CELSR1: variants seen among roughly 807,000 people sequenced by gnomAD.
CELSR1 encodes adhesion G protein-coupled receptor C1.
In CELSR1, 110 loss-of-function variants were observed where a neutral mutation model predicts 249.1. The ratio of observed to expected loss-of-function variants is 0.44; its 90% CI spans 0.38 to 0.52. CELSR1 has a LOEUF of 0.52. Ranked by LOEUF, CELSR1 falls within the 20% of genes least tolerant of loss-of-function variation. CELSR1 has a pLI of 0.00. For missense variants in CELSR1, 4,109 were observed against 4,296.4 expected, an observed-to-expected ratio of 0.96 and a Z score of 1.22; for synonymous variants, 2,113 against 1,900.0, an observed-to-expected ratio of 1.11 and a Z score of -2.92.
At position 46,536,960 on chromosome 22, in the gene CELSR1, C is replaced by T. The variant is rs755185714; in HGVS notation, c.211G>A (p.Gly71Arg). ...ACGCGCCGACGTCCTGCCAGCCGCC[C>T]ATCGCGGCCCACGTCCAGCAGCTCC... ...PRELLDVGRD[G>R]RLAGRRRVSG... The change falls in exon 1 of 35, where the codon GGG (glycine) becomes AGG (arginine). Residue 71 changes from glycine (G) to arginine (R), a missense_variant. Physicochemically the swap from Gly to Arg is moderately radical, Grantham distance 125. Around this residue, in one of 7 missense-constraint regions of CELSR1, gnomAD observed 673 missense variants for 636.8 expected, o/e 1.06. Coordinates refer to ENST00000674500, the MANE Select transcript of CELSR1 (RefSeq NM_001378328.1). 4.1e-4 allele frequency: 473 copies of T among 1,148,800 alleles called. 1 individual carries two copies. The African/African-American group carries it at 7.2e-3, about 18-fold the overall frequency. 71.2% of individuals were successfully genotyped at this position (1,148,800 alleles called of 1,614,324 possible).
intron 25 of CELSR1, among the ~76,000 whole-genome samples, chr22:46,372,106 G>A: frequency 6.9e-6 from 1 of 144,932 alleles, no homozygotes; most frequent in Non-Finnish European, 1.5e-5. Flanking sequence ...CCATCCATCT[G>A]CTCACTCACT....
chr22:46,529,460 G>A (rs141212113), intron 1 of CELSR1, among the ~76,000 whole-genome samples: 10 of 151,932 alleles, frequency 6.6e-5, no homozygotes, highest in Non-Finnish European at 1.2e-4. Context: ...GCTGGGAAGG[G>A]GGTAGCAGGA....
At chr22:46,477,785 C>G (rs150684657) in intron 1 of CELSR1, among the ~76,000 whole-genome samples, 5,096 of 152,254 alleles carry the variant, frequency 0.033, 117 homozygotes, top group Middle Eastern at 0.099. Context: ...GGATTACAGC[C>G]TTGAGCCACG....
At position 46,464,860 on chromosome 22, in the gene CELSR1, G is replaced by A. The variant is rs1352105013; in HGVS notation, c.3545-515C>T. Among the ~76,000 whole-genome samples, 1 of 152,134 alleles carries A rather than the reference G, an allele frequency of 6.6e-6. No individual in the cohort carries two copies. The highest frequency in any genetic ancestry group is 1.5e-5 in the Non-Finnish European group (1 of 68,024). Reference sequence around the variant, plus strand: ...GCTCAAACTCTGCAGTGCCTGGCAAGCCCGCCCTGGTCCTGCCCAGGCGAC... The same window carrying A: ...GCTCAAACTCTGCAGTGCCTGGCAAACCCGCCCTGGTCCTGCCCAGGCGAC... On this transcript the variant is annotated intron_variant, in intron 1 of 34. Coordinates refer to ENST00000674500, the MANE Select transcript of CELSR1 (RefSeq NM_001378328.1). This position sits in a 1 kb window ranked among gnomAD's most constrained non-coding sequence, Gnocchi z 8.5.
At chr22:46,462,177 G>C (rs975432109) in intron 2 of CELSR1, among the ~76,000 whole-genome samples, 3 of 152,252 alleles carry the variant, frequency 2.0e-5, no homozygotes, top group African/African-American at 4.8e-5. Flanking sequence ...CATTCAGTGA[G>C]AGACAGCGGG....
At chr22:46,369,105 C>A (rs1366834716) in intron 27 of CELSR1, 74 bp downstream of exon 27, 2 of 1,487,772 alleles carry the variant, frequency 1.3e-6, no homozygotes. Context: ...TGGGGCCCCA[C>A]CCCGCAGAGA....
intron 5 of CELSR1, among the ~76,000 whole-genome samples, chr22:46,420,786 C>A (rs774469954): frequency 1.3e-5 from 2 of 152,166 alleles, no homozygotes; most frequent in Non-Finnish European, 1.5e-5. Context: ...CCTTTCTGAC[C>A]AGCCTCCCTC....
At chr22:46,388,016 G>T (rs2079050216) in intron 18 of CELSR1, among the ~76,000 whole-genome samples, 1 of 152,134 alleles carries the variant, frequency 6.6e-6, no homozygotes, top group South Asian at 2.1e-4. Context: ...CTGGGTGGAG[G>T]CATGAGGCTG....
At chr22:46,515,800 C>T (rs1347692192) in intron 1 of CELSR1, among the ~76,000 whole-genome samples, 5 of 152,190 alleles carry the variant, frequency 3.3e-5, no homozygotes, top group Non-Finnish European at 5.9e-5. Flanking sequence ...CAGGACATTC[C>T]GCCCATCCTG....
chr22:46,479,776 T>C (rs1402103617), intron 1 of CELSR1, among the ~76,000 whole-genome samples: 3 of 152,106 alleles, frequency 2.0e-5, no homozygotes, highest in Non-Finnish European at 4.4e-5. Context: ...ATCAAAACAA[T>C]AAGGTGCCAT....
In CELSR1 at chr22:46,396,473, A is replaced by G. The variant is rs534880570; in HGVS notation, c.5843+132T>C. On this transcript the variant is annotated intron_variant, in intron 13 of 34. Transcript: ENST00000674500. The surrounding 1 kb of genome is among the most constrained non-coding windows in gnomAD (Gnocchi z 6.4). ...TTTCACTTAATTCATGCCAAATTAA[A>G]AAAAAATATGTCCCTGTTACCCAGA... 4.2e-5 allele frequency: 41 copies of G among 981,322 alleles called. No homozygotes were observed. The Middle Eastern group carries it at 1.9e-3, about 44-fold the overall frequency. The allele number at this position is 981,322 out of a possible 1,614,324, so 60.8% of individuals were successfully genotyped here. A position where few individuals can be genotyped will look rare whatever the true frequency, so the allele number is the denominator to read the frequency against.
chr22:46,516,845 G>A (rs893725313), intron 1 of CELSR1, among the ~76,000 whole-genome samples: 1 of 152,214 alleles, frequency 6.6e-6, no homozygotes, highest in Admixed American at 6.5e-5. Context: ...GGACTGGCAG[G>A]AAGGCAGGCG....
chr22:46,501,991 G>A (rs1207727619), intron 1 of CELSR1, among the ~76,000 whole-genome samples: 4 of 152,196 alleles, frequency 2.6e-5, no homozygotes, highest in East Asian at 1.9e-4. Flanking sequence ...AGGGCTGGGC[G>A]TGGTGGTTCA....
chr22:46,365,310 C>G lies in CELSR1; in HGVS notation c.8475G>C (p.Ser2825=), dbSNP rs148280744. ...EQSSSYASSH[S]SDSEDDGVGA... is the part of the protein sequence containing the mutation. ...CCACCCCATCGTCCTCGCTGTCTGA[C>G]GAGTGTGAGGAGGCGTAAGAGCTGC... The change falls in exon 32 of 35, where the codon TCG becomes TCC. Residue 2825 remains serine, a synonymous_variant. Coordinates refer to ENST00000674500, the MANE Select transcript of CELSR1 (RefSeq NM_001378328.1). 5 of 1,612,986 alleles carry G rather than the reference C, an allele frequency of 3.1e-6. No individual in the cohort carries two copies. Among genetic ancestry groups the G allele is most frequent in the Non-Finnish European group, 4.2e-6 (5 of 1,179,962 alleles).
intron 24 of CELSR1, among the ~76,000 whole-genome samples, chr22:46,375,869 T>C (rs905000600): frequency 6.6e-6 from 1 of 152,230 alleles, no homozygotes; most frequent in South Asian, 2.1e-4. Context: ...AACGTGCCTG[T>C]AGACTATTTT....
chr22:46,499,965 G>A (rs193155824), intron 1 of CELSR1, among the ~76,000 whole-genome samples: 111 of 152,058 alleles, frequency 7.3e-4, no homozygotes, highest in African/African-American at 2.6e-3. Flanking sequence ...CCCAGCGGCC[G>A]CCCCCACCAC....
At chr22:46,485,972 T>C (rs9615370) in intron 1 of CELSR1, among the ~76,000 whole-genome samples, 75,164 of 134,628 alleles carry the variant, frequency 0.56, 22,231 homozygotes, top group African/African-American at 0.72. Flanking sequence ...GAGTCTCGCT[T>C]TGTCGCCCAG....
intron 22 of CELSR1, among the ~76,000 whole-genome samples, chr22:46,379,127 C>T (rs952764365): frequency 2.6e-5 from 4 of 152,180 alleles, no homozygotes; most frequent in East Asian, 1.9e-4. Context: ...CACACAGCTG[C>T]GATGCGGTCC....
At chr22:46,368,680 C>T (rs1165087792) in intron 27 of CELSR1, among the ~76,000 whole-genome samples, 3 of 152,086 alleles carry the variant, frequency 2.0e-5, no homozygotes, top group South Asian at 2.1e-4. Context: ...AGTCCTCCCG[C>T]GGTGCCACCT....
Sources: gnomAD v4.1 joint callset for allele counts (sites outside exome capture counted in the v4.1 genomes callset) on GRCh38, gnomAD v4.1.1 for gene constraint, gnomAD v4.1.1 regional missense constraint, Gnocchi (gnomAD v3.1) non-coding constraint, MANE v1.5 for transcripts, NCBI Gene and HGNC (gene_info 2026-07-23, HGNC 2026-07-21) for gene names.